Variants in DIS3L2 observed in about 807,000 individuals in gnomAD.
The protein encoded by DIS3L2 is DIS3 like 3'-5' exoribonuclease 2.
A neutral mutation model predicts 97.5 loss-of-function variants in DIS3L2; 34 were observed. The observed-to-expected ratio is 0.35, with a 90% CI of 0.27 to 0.46. DIS3L2 has a LOEUF of 0.46. DIS3L2 is among the 20% of genes least tolerant of loss of function. The pLI is 1.00. For synonymous variants in DIS3L2, 435 were observed against 445.2 expected, an observed-to-expected ratio of 0.98 and a Z score of 0.29; for missense variants, 1,038 against 1,146.0, an observed-to-expected ratio of 0.91 and a Z score of 1.36.
At chr2:232,166,640 C>G (rs1359795730) in intron 9 of DIS3L2, among the ~76,000 whole-genome samples, 1 of 151,986 alleles carries the variant, frequency 6.6e-6, no homozygotes, top group Non-Finnish European at 1.5e-5. Flanking sequence ...CGCTTGAACC[C>G]GGGAGGCGGA....
chr2:232,098,280 C>T (rs1186440341), intron 6 of DIS3L2, among the ~76,000 whole-genome samples: 1 of 152,036 alleles, frequency 6.6e-6, no homozygotes, highest in Admixed American at 6.6e-5. Flanking sequence ...TTGTAGTGTA[C>T]ACTCCTACTT....
At chr2:232,277,730 G>A (rs944514808) in intron 13 of DIS3L2, among the ~76,000 whole-genome samples, 7 of 152,082 alleles carry the variant, frequency 4.6e-5, no homozygotes, top group Non-Finnish European at 1.0e-4. Context: ...GAAATATGTC[G>A]TTAAGTGATT....
At position 232,127,857 on chromosome 2, in the gene DIS3L2, G is replaced by A. The variant is rs570334959; in HGVS notation, c.602-2762G>A. 5.9e-5 allele frequency among the ~76,000 whole-genome samples: 9 copies of A among 152,128 alleles called. No individual in the cohort carries two copies. In the East Asian group the frequency reaches 1.7e-3, roughly 29 times the overall value. ...TCACTCCTGTATACACTGTCCTTAT[G>A]TCTCAATTTAAATTCTTTCCCTGAT... On this transcript the variant is annotated intron_variant, in intron 6 of 20. Coordinates refer to ENST00000325385, the MANE Select transcript of DIS3L2 (RefSeq NM_152383.5).
chr2:232,306,962 G>C (rs11889644), intron 14 of DIS3L2, among the ~76,000 whole-genome samples: 23,519 of 152,182 alleles, frequency 0.15, 2,923 homozygotes, highest in African/African-American at 0.34. Flanking sequence ...CCAGAACCCC[G>C]TGCCCACCCA....
chr2:232,142,746 G>C (rs573265123), intron 8 of DIS3L2, among the ~76,000 whole-genome samples: 8 of 152,168 alleles, frequency 5.3e-5, no homozygotes, highest in African/African-American at 1.7e-4. Context: ...AAAATAACTC[G>C]TTCCCTCTCC....
At chr2:232,248,141 C>T (rs56339469) in intron 11 of DIS3L2, among the ~76,000 whole-genome samples, 1,958 of 152,334 alleles carry the variant, frequency 0.013, 40 homozygotes, top group African/African-American at 0.044. Flanking sequence ...GTTGCAGATA[C>T]TTCACGCAGA....
intron 10 of DIS3L2, among the ~76,000 whole-genome samples, chr2:232,221,740 G>T (rs1692513618): frequency 6.6e-6 from 1 of 152,068 alleles, no homozygotes; most frequent in African/African-American, 2.4e-5. Flanking sequence ...GGTGGAGGTT[G>T]CAGTGAGCCG....
chr2:232,209,747 G>A (rs1160662287), intron 9 of DIS3L2, among the ~76,000 whole-genome samples: 1 of 152,236 alleles, frequency 6.6e-6, no homozygotes, highest in Non-Finnish European at 1.5e-5. Flanking sequence ...CACAGGGTAA[G>A]AGTGTGATGT....
chr2:232,247,635 GCGGGGGGGA>G (rs1693296759), intron 11 of DIS3L2, among the ~76,000 whole-genome samples: 3 of 51,386 alleles, frequency 5.8e-5, no homozygotes, highest in Admixed American at 1.9e-4. Context: ...GGGGGGGGGG[GCGGGGGGGA>G]GGGTGCCAAT....
intron 5 of DIS3L2, among the ~76,000 whole-genome samples, chr2:232,046,091 C>A (rs1695233716): frequency 6.6e-6 from 1 of 152,190 alleles, no homozygotes; most frequent in South Asian, 2.1e-4. Context: ...GACACTGTCA[C>A]AACACTTGGT....
intron 5 of DIS3L2, among the ~76,000 whole-genome samples, chr2:232,054,153 T>A (rs941822388): frequency 4.6e-5 from 7 of 152,256 alleles, no homozygotes; most frequent in Non-Finnish European, 8.8e-5. Context: ...TTATATTTTT[T>A]AATTATATCA....
intron 10 of DIS3L2, among the ~76,000 whole-genome samples, chr2:232,219,453 T>C (rs574611102): frequency 4.1e-4 from 63 of 152,300 alleles, no homozygotes; most frequent in African/African-American, 1.3e-3. Context: ...CTTCTGTCCT[T>C]GTTTTGTGGG....
At chr2:232,297,303 T>G (rs1180709641) in intron 13 of DIS3L2, among the ~76,000 whole-genome samples, 1 of 152,240 alleles carries the variant, frequency 6.6e-6, no homozygotes, top group Non-Finnish European at 1.5e-5. Flanking sequence ...GCAGCCTGCC[T>G]TGCCAGCTCA....
intron 10 of DIS3L2, among the ~76,000 whole-genome samples, chr2:232,221,774 C>T (rs183650888): frequency 5.9e-5 from 9 of 152,048 alleles, no homozygotes; most frequent in Admixed American, 1.3e-4. Flanking sequence ...GTACTCCAGC[C>T]GGGGTGACAA....
chr2:232,170,601 GCTTT>G (rs1690956297), intron 9 of DIS3L2, among the ~76,000 whole-genome samples: 1 of 152,060 alleles, frequency 6.6e-6, no homozygotes, highest in South Asian at 2.1e-4. Context: ...TTTTCCAATT[GCTTT>G]CTCTCTTTTT....
chr2:231,997,867 A>G (rs571516274), intron 1 of DIS3L2, among the ~76,000 whole-genome samples: 1 of 152,276 alleles, frequency 6.6e-6, no homozygotes, highest in African/African-American at 2.4e-5. Flanking sequence ...AGTTATTAGA[A>G]TCAGGGAATT....
chr2:232,273,558 C>G (rs1694060376), intron 13 of DIS3L2, among the ~76,000 whole-genome samples: 3 of 152,120 alleles, frequency 2.0e-5, no homozygotes, highest in African/African-American at 7.2e-5. Context: ...GCTGGGGCAT[C>G]CAGGGTTTAG....
intron 1 of DIS3L2, among the ~76,000 whole-genome samples, chr2:232,005,977 C>T (rs896329794): frequency 6.6e-6 from 1 of 152,146 alleles, no homozygotes; most frequent in Non-Finnish European, 1.5e-5. Flanking sequence ...CACCTGAGGT[C>T]AGGAGTTCTA....
chr2:232,106,046 T>G (rs1697349813), intron 6 of DIS3L2, among the ~76,000 whole-genome samples: 1 of 152,190 alleles, frequency 6.6e-6, no homozygotes, highest in South Asian at 2.1e-4. Context: ...CCTTACTTCC[T>G]TTTCCATGCT....
Sources: allele counts gnomAD v4.1 joint callset (sites outside exome capture counted in the v4.1 genomes callset), GRCh38; gene constraint gnomAD v4.1.1; transcripts MANE v1.5; gene names NCBI Gene and HGNC (gene_info 2026-07-23, HGNC 2026-07-21).